The following NAB1 variants were observed in gnomAD, a reference collection of about 807,000 sequenced individuals.
NAB1 encodes NGFI-A binding protein 1, also known as NGFI-A-binding protein 1.
In NAB1, 25 loss-of-function variants were observed where a neutral mutation model predicts 49.9. That is an observed-to-expected ratio of 0.50 (90% CI 0.37 to 0.70). The LOEUF (loss-of-function observed/expected upper bound fraction) is 0.70. Ranked by LOEUF, NAB1 falls within the 30% of genes least tolerant of loss-of-function variation. The probability of loss-of-function intolerance (pLI) is 0.00; values close to 1 mark genes in which losing one functional copy is unlikely to be tolerated. For missense variants in NAB1, 489 were observed against 575.9 expected, an observed-to-expected ratio of 0.85 and a Z score of 1.54; for synonymous variants, 198 against 215.6, an observed-to-expected ratio of 0.92 and a Z score of 0.71.
chr2:190,673,128 A>G lies in NAB1; in HGVS notation c.981A>G (p.Leu327=). Residue 327 remains leucine, a synonymous_variant, in exon 6 of 10, where the codon TTA becomes TTG. Coordinates refer to ENST00000337386, the MANE Select transcript of NAB1 (RefSeq NM_005966.4). ...CAAAATGTGGAGAAAGAGATGAATT[A>G]TCCCCAAAGAGAATTAAAGTGGAGG... is the stretch of plus-strand genomic sequence containing the variant. The part of the protein sequence containing the change: ...TKSKCGERDE[L]SPKRIKVEDG... 6.2e-7 allele frequency: 1 copy of G among 1,608,358 alleles called. No individual in the cohort carries two copies. The highest frequency in any genetic ancestry group is 1.3e-5 in the African/African-American group (1 of 74,150).
chr2:190,683,922 CCTGA>C, intron 7 of NAB1, 95 bp downstream of exon 7: 1 of 950,944 alleles, frequency 1.1e-6, no homozygotes, highest in South Asian at 1.5e-5. Context: ...GTATCTGAGG[CCTGA>C]CTTTTTATTT....
Position 190,680,502 on chromosome 2 carries a change from A to G in NAB1, c.1006-3236A>G, listed in dbSNP as rs927607983. 2.6e-5 allele frequency among the ~76,000 whole-genome samples: 4 copies of G among 152,040 alleles called. No individual in the cohort carries two copies. Among genetic ancestry groups the G allele is most frequent in the Non-Finnish European group, 4.4e-5 (3 of 68,012 alleles). ...TCTGCTGTGCTCTGGGTCTCCGTCCATTTCCCTCCCTGGACTGTGTTGTCA... is the reference window on the plus strand; with the variant it reads ...TCTGCTGTGCTCTGGGTCTCCGTCCGTTTCCCTCCCTGGACTGTGTTGTCA... On this transcript the variant is annotated intron_variant, in intron 6 of 9. Coordinates refer to ENST00000337386, the MANE Select transcript of NAB1 (RefSeq NM_005966.4). The surrounding 1 kb of genome is among the most constrained non-coding windows in gnomAD (Gnocchi z 5.2).
At chr2:190,649,007 G>A (rs1693491342), upstream of NAB1, 3 of 147,794 alleles carry the variant, frequency 2.0e-5, no homozygotes, top group Admixed American at 1.3e-4. The surrounding 1 kb of genome is among the most constrained non-coding windows in gnomAD (Gnocchi z 6.1). Flanking sequence ...GGGCGGGGGA[G>A]GGGGAGGAGG....
intron 2 of NAB1, among the ~76,000 whole-genome samples, chr2:190,650,564 A>G (rs1260902552): frequency 1.3e-5 from 2 of 152,218 alleles, no homozygotes; most frequent in South Asian, 2.1e-4. Context: ...CCTGAACAAC[A>G]TACTGAATTA....
chr2:190,650,214 C>A (rs1381326949), intron 2 of NAB1, among the ~76,000 whole-genome samples: 1 of 152,192 alleles, frequency 6.6e-6, no homozygotes, highest in Non-Finnish European at 1.5e-5. Flanking sequence ...CATGTACTTA[C>A]ACCTCGCTCC....
At chr2:190,681,653 C>T (rs747259504) in intron 6 of NAB1, among the ~76,000 whole-genome samples, 3 of 152,068 alleles carry the variant, frequency 2.0e-5, no homozygotes, top group African/African-American at 7.2e-5. Context: ...CATCTTAAGA[C>T]GTTAAGTTTA....
chr2:190,671,274 C>G (rs1294111120), intron 5 of NAB1, among the ~76,000 whole-genome samples: 1 of 152,202 alleles, frequency 6.6e-6, no homozygotes, highest in Non-Finnish European at 1.5e-5. Context: ...GGAATCTGAA[C>G]TTTCACAAGC....
At chr2:190,673,067 G>GT (rs5837195) in intron 5 of NAB1, 34 bp from the exon 6 acceptor site, 258,596 of 1,373,248 alleles carry the variant, frequency 0.19, 1 homozygote, top group South Asian at 0.27. Context: ...ACTTTCTCAA[G>GT]TTTTTTTTTT....
rs1695420999 is a variant in NAB1 at position 190,682,959 on chromosome 2, A to G, written c.1006-779A>G. Among the ~76,000 whole-genome samples the G allele has an allele frequency of 6.6e-6, 1 of 152,228 alleles. No individual in the cohort carries two copies. Among genetic ancestry groups the G allele is most frequent in the South Asian group, 2.1e-4 (1 of 4,834 alleles). Reference sequence around the variant, plus strand: ...TCTTTTGTAGTAGATAATCTAAGCTATCGAAAATGCTATCTCCATGAAAAT... The same window carrying G: ...TCTTTTGTAGTAGATAATCTAAGCTGTCGAAAATGCTATCTCCATGAAAAT... On this transcript the variant is annotated intron_variant, in intron 6 of 9. Coordinates refer to ENST00000337386, the MANE Select transcript of NAB1 (RefSeq NM_005966.4). The surrounding 1 kb of genome is among the most constrained non-coding windows in gnomAD (Gnocchi z 4.1).
rs886760584 is a variant in NAB1, at chr2:190,687,276, T to C, written c.1334T>C (p.Leu445Pro). Reference protein sequence around the residue: ...QPHHFVVDGELSRLYPSEAKS... With the variant: ...QPHHFVVDGEPSRLYPSEAKS... ...CATCATTTTGTGGTGGATGGGGAGC[T>C]GAGCAGACTTTACCCCAGTGAGGCA... is the stretch of plus-strand genomic sequence containing the variant. Residue 445 changes from leucine (L) to proline (P), a missense_variant, in exon 9 of 10, where the codon CTG becomes CCG. This residue lies in a region of NAB1 where 212 missense variants were observed against 199.3 expected (regional missense o/e 1.06). Coordinates refer to ENST00000337386, the MANE Select transcript of NAB1 (RefSeq NM_005966.4). 8.1e-6 allele frequency: 13 copies of C among 1,600,534 alleles called. No homozygotes were observed. The highest frequency in any genetic ancestry group is 5.3e-5 in the Admixed American group (3 of 56,492).
Position 190,659,808 on chromosome 2 carries a change from C to T in NAB1, c.632C>T (p.Pro211Leu), listed in dbSNP as rs1237580294. ...ECVERMAPTL[P>L]KSDLNEVKEL... is the part of the protein sequence containing the mutation. Reference sequence around the variant, plus strand: ...GTGGAGCGGATGGCCCCCACACTGCCAAAAAGTGACTTGAATGAAGTGAAA... The same window carrying T: ...GTGGAGCGGATGGCCCCCACACTGCTAAAAAGTGACTTGAATGAAGTGAAA... Residue 211 changes from proline to leucine, a missense_variant, in exon 4 of 10, where the codon CCA (proline) becomes CTA (leucine). Around this residue, in one of 4 missense-constraint regions of NAB1, gnomAD observed 204 missense variants for 220.9 expected, o/e 0.92. Transcript: ENST00000337386. This position sits in a 1 kb window ranked among gnomAD's most constrained non-coding sequence, Gnocchi z 6.2. 1 of 1,614,102 alleles carries T rather than the reference C, an allele frequency of 6.2e-7. No individual in the cohort carries two copies. The highest frequency in any genetic ancestry group is 8.5e-7 in the Non-Finnish European group (1 of 1,180,008).
chr2:190,668,839 G>A (rs1294812603), intron 4 of NAB1, among the ~76,000 whole-genome samples: 1 of 152,158 alleles, frequency 6.6e-6, no homozygotes, highest in Admixed American at 6.5e-5. Flanking sequence ...GCCTGAAACT[G>A]CAAATGGTAC....
rs933408073 is a variant in NAB1 at position 190,677,171 on chromosome 2, C to T, written c.1005+4019C>T. The T allele has an allele frequency of 2.0e-5, 3 of 151,840 alleles. No individual in the cohort carries two copies. The highest frequency in any genetic ancestry group is 4.4e-5 in the Non-Finnish European group (3 of 67,984). The allele number at this position is 151,840 out of a possible 1,614,324, so 9.4% of individuals were successfully genotyped here. On this transcript the variant is annotated intron_variant, in intron 6 of 9. Transcript: ENST00000337386. This position sits in a 1 kb window ranked among gnomAD's most constrained non-coding sequence, Gnocchi z 5.6. ...GCTCTTATTTATGTAGTAGGTTGTT[C>T]CCCCTTAAAGGATAGTTACTTATTT...
chr2:190,660,316 A>G (rs1230462051), intron 4 of NAB1, among the ~76,000 whole-genome samples: 1 of 152,364 alleles, frequency 6.6e-6, no homozygotes, highest in East Asian at 1.9e-4. Context: ...TTAAAAAATA[A>G]AACTAGGTTT....
At position 190,690,539 on chromosome 2, in the gene NAB1, A is replaced by G. The variant is rs893579589; in HGVS notation, c.*206A>G. On this transcript the variant is annotated 3_prime_UTR_variant, in exon 10 of 10. Transcript: ENST00000337386. ...GAGAAAATCAAGAGTGTTGCAATCT[A>G]TAACAGTAATATTGATTCATTCACA... The G allele has an allele frequency of 1.9e-5, 9 of 486,424 alleles. No homozygotes were observed. The highest frequency in any genetic ancestry group is 9.6e-5 in the African/African-American group (5 of 52,140). 30.1% of individuals were successfully genotyped at this position (486,424 alleles called of 1,614,324 possible). A position where few individuals can be genotyped will look rare whatever the true frequency, so the allele number is the denominator to read the frequency against.
rs761736707 is a variant in NAB1, at chr2:190,690,489, G to C, written c.*156G>C. 16 of 553,004 alleles carry C rather than the reference G, an allele frequency of 2.9e-5. No homozygotes were observed. The highest frequency in any genetic ancestry group is 9.6e-6 in the Non-Finnish European group (3 of 312,520). 34.3% of individuals were successfully genotyped at this position (553,004 alleles called of 1,614,324 possible). On this transcript the variant is annotated 3_prime_UTR_variant, in exon 10 of 10. Transcript: ENST00000337386. ...CTGGTACGGTAGTCTGTGGAAACCA[G>C]GAAGATAAAACAACAGCCACAAAAG... is the stretch of plus-strand genomic sequence containing the variant.
At position 190,649,956 on chromosome 2, in the gene NAB1, T is replaced by G. The variant is rs1693573274; in HGVS notation, c.-223T>G. 1 of 152,250 alleles carries G rather than the reference T, an allele frequency of 6.6e-6. No individual in the cohort carries two copies. Among genetic ancestry groups the G allele is most frequent in the Non-Finnish European group, 1.5e-5 (1 of 68,070 alleles). 9.4% of individuals were successfully genotyped at this position (152,250 alleles called of 1,614,324 possible). A position where few individuals can be genotyped will look rare whatever the true frequency, so the allele number is the denominator to read the frequency against. On this transcript the variant is annotated 5_prime_UTR_variant, in exon 2 of 10. Transcript: ENST00000337386. The surrounding 1 kb of genome is among the most constrained non-coding windows in gnomAD (Gnocchi z 6.1). ...CCGATGAGGAATTTGGAAACACATG[T>G]GGGACATACAAGCGTTGGATATAGA...
In NAB1 at chr2:190,659,003, T is replaced by C. The variant is rs543534767; in HGVS notation, c.-19-155T>C. ...CTATAAGGTTTTTAGGAGTTCAGAA[T>C]GAGATAAAGTATGTAGAGAGAATGC... On this transcript the variant is annotated intron_variant, in intron 3 of 9. Transcript: ENST00000337386. This position sits in a 1 kb window ranked among gnomAD's most constrained non-coding sequence, Gnocchi z 6.2. 100 of 571,766 alleles carry C rather than the reference T, an allele frequency of 1.7e-4. No homozygotes were observed. Among genetic ancestry groups the C allele is most frequent in the Non-Finnish European group, 2.7e-4 (90 of 327,340 alleles). The allele number at this position is 571,766 out of a possible 1,614,324, so 35.4% of individuals were successfully genotyped here. A position where few individuals can be genotyped will look rare whatever the true frequency, so the allele number is the denominator to read the frequency against.
intron 4 of NAB1, among the ~76,000 whole-genome samples, 157 bp downstream of exon 4, chr2:190,660,152 T>G (rs1015654161): frequency 6.6e-6 from 1 of 152,220 alleles, no homozygotes; most frequent in Non-Finnish European, 1.5e-5. Flanking sequence ...TTTGTGAAAA[T>G]AGACCATATT....
Sources: gnomAD v4.1 joint callset for allele counts (sites outside exome capture counted in the v4.1 genomes callset) on GRCh38, gnomAD v4.1.1 for gene constraint, gnomAD v4.1.1 regional missense constraint, Gnocchi (gnomAD v3.1) non-coding constraint, MANE v1.5 for transcripts, NCBI Gene and HGNC (gene_info 2026-07-23, HGNC 2026-07-21) for gene names.